Variants in DOCK1 observed in about 807,000 individuals in gnomAD.
The protein encoded by DOCK1 is dedicator of cytokinesis 1, also known as dedicator of cytokinesis protein 1.
A neutral mutation model predicts 262.7 loss-of-function variants in DOCK1; 138 were observed. The observed-to-expected ratio is 0.53, with a 90% CI of 0.46 to 0.61. DOCK1 has a LOEUF of 0.61. Ranked by LOEUF, DOCK1 falls within the 20% of genes least tolerant of loss-of-function variation. The pLI is 0.00. For missense variants in DOCK1, 1,908 were observed against 2,370.7 expected (o/e 0.80, Z 4.05); for synonymous variants, 866 against 867.4 (o/e 1.00, Z 0.03).
chr10:127,069,277 G>GC (rs2046066883), intron 23 of DOCK1, among the ~76,000 whole-genome samples: 3 of 152,276 alleles, frequency 2.0e-5, no homozygotes, highest in Admixed American at 2.0e-4. Flanking sequence ...TCTCTCAGAA[G>GC]CCACCTGCTT....
At chr10:127,410,674 C>T (rs2134389091) in intron 42 of DOCK1, among the ~76,000 whole-genome samples, 166 bp from the exon 43 acceptor site, 1 of 152,304 alleles carries the variant, frequency 6.6e-6, no homozygotes, top group East Asian at 1.9e-4. Context: ...TTTCCACCTG[C>T]CAACATTTCC....
At chr10:126,970,585 C>A in intron 1 of DOCK1, 117 bp from the exon 2 acceptor site, 1 of 718,472 alleles carries the variant, frequency 1.4e-6, no homozygotes, top group Non-Finnish European at 2.4e-6. Flanking sequence ...ATGATGCAGG[C>A]AGCGACTGAA....
chr10:127,355,894 A>G (rs987422679), intron 32 of DOCK1, among the ~76,000 whole-genome samples: 1 of 152,182 alleles, frequency 6.6e-6, no homozygotes, highest in Non-Finnish European at 1.5e-5. Flanking sequence ...CTTTGGTTTG[A>G]CATGAGGCCC....
intron 29 of DOCK1, among the ~76,000 whole-genome samples, chr10:127,310,163 C>G (rs576499897): frequency 4.6e-5 from 7 of 152,330 alleles, no homozygotes; most frequent in African/African-American, 1.7e-4. Context: ...GCGTGAGCCA[C>G]TGCGCCCGGC....
chr10:126,963,729 A>G (rs1168757623), intron 1 of DOCK1, among the ~76,000 whole-genome samples: 1 of 145,188 alleles, frequency 6.9e-6, no homozygotes, highest in Non-Finnish European at 1.5e-5. Flanking sequence ...GTGTTTTTAG[A>G]TGATTGCGAA....
At chr10:126,931,457 G>C (rs1403081892) in intron 1 of DOCK1, among the ~76,000 whole-genome samples, 1 of 152,024 alleles carries the variant, frequency 6.6e-6, no homozygotes, top group Non-Finnish European at 1.5e-5. Context: ...GGGAAGCGAG[G>C]CCCAGAAGTG....
intron 27 of DOCK1, among the ~76,000 whole-genome samples, chr10:127,230,758 T>C (rs186851453): frequency 2.6e-5 from 4 of 151,488 alleles, no homozygotes; most frequent in Non-Finnish European, 5.9e-5. Flanking sequence ...GGGTTTTTTG[T>C]TTTTTTTGTT....
At chr10:127,393,560 T>C (rs2066628753) in intron 38 of DOCK1, among the ~76,000 whole-genome samples, 1 of 152,008 alleles carries the variant, frequency 6.6e-6, no homozygotes, top group African/African-American at 2.4e-5. Flanking sequence ...CGATGGCATC[T>C]CTCTGTGCTC....
At chr10:127,402,376 G>T (rs2067272224) in intron 38 of DOCK1, among the ~76,000 whole-genome samples, 1 of 152,054 alleles carries the variant, frequency 6.6e-6, no homozygotes, top group African/African-American at 2.4e-5. Context: ...GAAAAATAAG[G>T]GAAATTCAGG....
chr10:127,167,503 C>T (rs11817342), intron 27 of DOCK1, among the ~76,000 whole-genome samples: 22,060 of 151,842 alleles, frequency 0.15, 1,895 homozygotes, highest in African/African-American at 0.23. Flanking sequence ...CAGCGAGGTT[C>T]CCCCCCGCCC....
intron 29 of DOCK1, among the ~76,000 whole-genome samples, chr10:127,287,127 TTGATCTCCTGACCTCG>T (rs1194768626): frequency 1.3e-5 from 2 of 152,128 alleles, no homozygotes; most frequent in South Asian, 4.1e-4. Context: ...CAGGATGGTC[TTGATCTCCTGACCTCG>T]TGATCTGCCT....
chr10:127,282,480 C>T (rs1488296908), intron 29 of DOCK1, among the ~76,000 whole-genome samples: 1 of 152,210 alleles, frequency 6.6e-6, no homozygotes, highest in Non-Finnish European at 1.5e-5. Context: ...AATTGAGCAG[C>T]CTGCTTGGAG....
At chr10:126,923,058 G>A (rs545320091) in intron 1 of DOCK1, among the ~76,000 whole-genome samples, 1 of 152,210 alleles carries the variant, frequency 6.6e-6, no homozygotes, top group African/African-American at 2.4e-5. Context: ...GCGTTGAGCC[G>A]AGATTGTGCC....
At chr10:126,958,983 C>G (rs1360885057) in intron 1 of DOCK1, among the ~76,000 whole-genome samples, 7 of 152,154 alleles carry the variant, frequency 4.6e-5, no homozygotes, top group Non-Finnish European at 1.0e-4. Flanking sequence ...AGACATCAAT[C>G]AAATACATGA....
At position 127,419,717 on chromosome 10, in the gene DOCK1, A is replaced by G; in HGVS notation, c.4744A>G (p.Ile1582Val). 6.2e-7 allele frequency: 1 copy of G among 1,604,790 alleles called. No homozygotes were observed. Among genetic ancestry groups the G allele is most frequent in the Non-Finnish European group, 8.5e-7 (1 of 1,175,480 alleles). Residue 1582 changes from isoleucine to valine, a missense_variant, in exon 46 of 52, where the codon ATC (isoleucine) becomes GTC (valine). This residue lies in a region of DOCK1 where 383 missense variants were observed against 420.1 expected (regional missense o/e 0.91). Coordinates refer to ENST00000623213, the MANE Select transcript of DOCK1 (RefSeq NM_001290223.2). ...GGAGCACCCTGAGGCCCATGAAAAG[A>G]TCGAGAAGCTCAAGGACCTGATTGC... is the stretch of plus-strand genomic sequence containing the variant. ...LQEHPEAHEK[I>V]EKLKDLIAWQ...
At chr10:127,008,942 C>G (rs2041226789) in intron 11 of DOCK1, 138 bp downstream of exon 11, 1 of 858,226 alleles carries the variant, frequency 1.2e-6, no homozygotes, top group Non-Finnish European at 1.8e-6. Flanking sequence ...TCTTTAGTCA[C>G]TGCTGTAGTA....
chr10:127,404,114 G>T (rs1211391732), intron 39 of DOCK1, among the ~76,000 whole-genome samples: 1 of 152,242 alleles, frequency 6.6e-6, no homozygotes, highest in Admixed American at 6.5e-5. Context: ...CGGAATGATG[G>T]AGAATGAGTG....
At chr10:126,986,529 T>C (rs1282125958) in intron 4 of DOCK1, among the ~76,000 whole-genome samples, 1 of 152,230 alleles carries the variant, frequency 6.6e-6, no homozygotes, top group Non-Finnish European at 1.5e-5. Flanking sequence ...TGAGTCTTAC[T>C]TAGCATAGTG....
chr10:127,270,641 G>A (rs995498148), intron 29 of DOCK1, among the ~76,000 whole-genome samples: 8 of 151,866 alleles, frequency 5.3e-5, no homozygotes, highest in African/African-American at 1.7e-4. Context: ...GTGCAGTGGT[G>A]TGTAGGCAGG....
Sources: gnomAD v4.1 joint callset for allele counts (sites outside exome capture counted in the v4.1 genomes callset) on GRCh38, gnomAD v4.1.1 for gene constraint, gnomAD v4.1.1 regional missense constraint, MANE v1.5 for transcripts, NCBI Gene and HGNC (gene_info 2026-07-23, HGNC 2026-07-21) for gene names.